The following CCDC150 variants were observed in gnomAD, a reference collection of about 807,000 sequenced individuals.
The protein encoded by CCDC150 is coiled-coil domain containing 150, also known as coiled-coil domain-containing protein 150.
In CCDC150, 151 loss-of-function variants were observed where a neutral mutation model predicts 156.5. The ratio of observed to expected loss-of-function variants is 0.97; its 90% CI spans 0.85 to 1.10. CCDC150 has a LOEUF of 1.10. Ranked by LOEUF, CCDC150 falls within the 50% of genes least tolerant of loss-of-function variation. CCDC150 has a pLI of 0.00. For missense variants in CCDC150, 1,312 were observed against 1,268.1 expected (o/e 1.03, Z -0.53); for synonymous variants, 452 against 429.4 (o/e 1.05, Z -0.65).
chr2:196,670,628 T>A (rs988600664), intron 8 of CCDC150, among the ~76,000 whole-genome samples: 2 of 151,926 alleles, frequency 1.3e-5, no homozygotes, highest in Non-Finnish European at 2.9e-5. Context: ...TTTGAAAATA[T>A]CTTCACTTAT....
intron 26 of CCDC150, among the ~76,000 whole-genome samples, chr2:196,731,283 A>C (rs1698503126): frequency 6.6e-6 from 1 of 152,156 alleles, no homozygotes; most frequent in Admixed American, 6.6e-5. Flanking sequence ...CTCTTTGTTC[A>C]ATCAATCAAT....
chr2:196,689,972 T>C (rs1050402805), intron 13 of CCDC150, among the ~76,000 whole-genome samples: 11 of 152,350 alleles, frequency 7.2e-5, no homozygotes, highest in Admixed American at 2.6e-4. Flanking sequence ...TTGAATTTTG[T>C]CAAAGGCCTT....
At chr2:196,719,221 C>T (rs1051949236) in intron 18 of CCDC150, 2 of 236,228 alleles carry the variant, frequency 8.5e-6, no homozygotes, top group Non-Finnish European at 1.6e-5. Context: ...GCAGGTTGTG[C>T]TGAGTCAGGC....
intron 2 of CCDC150, among the ~76,000 whole-genome samples, chr2:196,649,170 A>G (rs1294372654): frequency 2.0e-5 from 3 of 152,164 alleles, no homozygotes; most frequent in African/African-American, 7.2e-5. Context: ...TTCTATGAAG[A>G]ATGACATTGG....
intron 14 of CCDC150, 134 bp from the exon 15 acceptor site, chr2:196,700,972 AAGC>A: frequency 6.5e-6 from 4 of 617,298 alleles, no homozygotes; most frequent in Non-Finnish European, 1.1e-5. Context: ...AAAAGACTAA[AAGC>A]AGCAGTAGCA....
intron 15 of CCDC150, 144 bp from the exon 16 acceptor site, chr2:196,712,001 A>G (rs1239633948): frequency 5.3e-6 from 2 of 374,056 alleles, no homozygotes; most frequent in Non-Finnish European, 9.4e-6. Context: ...TGCAAGTTTT[A>G]AAGATTCTCT....
At chr2:196,661,773 G>A (rs1393651118) in intron 5 of CCDC150, among the ~76,000 whole-genome samples, 1 of 152,176 alleles carries the variant, frequency 6.6e-6, no homozygotes, top group Non-Finnish European at 1.5e-5. Context: ...TACTTCATTA[G>A]TAAATGATTC....
chr2:196,721,519 C>T lies in CCDC150; in HGVS notation c.2260-3C>T. On this transcript the variant is annotated splice_polypyrimidine_tract_variant and splice_region_variant and intron_variant, in intron 20 of 27. Coordinates refer to ENST00000389175, the MANE Select transcript of CCDC150 (RefSeq NM_001080539.2). ...GAATTGAAAACATGCTTCTCTCTTT[C>T]AGATTGAATCTCTACAAAAAGCTCT... 1 of 1,592,200 alleles carries T rather than the reference C, an allele frequency of 6.3e-7. No individual in the cohort carries two copies.
intron 15 of CCDC150, among the ~76,000 whole-genome samples, chr2:196,708,252 G>A (rs150249382): frequency 0.016 from 2,413 of 152,020 alleles, 65 homozygotes; most frequent in African/African-American, 0.056. Flanking sequence ...TCCCTTTACC[G>A]TTATGTAATG....
At chr2:196,727,065 G>A (rs1698248415) in intron 22 of CCDC150, 1 of 152,136 alleles carries the variant, frequency 6.6e-6, no homozygotes, top group African/African-American at 2.4e-5. Flanking sequence ...AAGTAGTTCA[G>A]TTGAAAATAG....
rs76208460 is a variant in CCDC150 at position 196,641,948 on chromosome 2, A to G, written c.12+2170A>G. Among the ~76,000 whole-genome samples the G allele has an allele frequency of 4.6e-3, 708 of 152,280 alleles. 4 individuals are homozygous for G. Among genetic ancestry groups the G allele is most frequent in the Non-Finnish European group, 7.8e-3 (530 of 68,008 alleles). ...TTTTCAAAGTCATCTGGTTTTTACT[A>G]GTATATTACTTGTGACATTGGTCTT... On this transcript the variant is annotated intron_variant, in intron 1 of 27. Coordinates refer to ENST00000389175, the MANE Select transcript of CCDC150 (RefSeq NM_001080539.2).
chr2:196,676,241 T>A lies in CCDC150; in HGVS notation c.1236T>A (p.Asn412Lys). ...SITNELQTVQNEKTQLQAHLD... is the reference protein window; with the variant it reads ...SITNELQTVQKEKTQLQAHLD... ...CAAATGAACTACAGACTGTTCAGAA[T>A]GAGAAAACCCAACTCCAGGCACATC... Residue 412 changes from asparagine (N) to lysine (K), a missense_variant, in exon 11 of 28, where the codon AAT (asparagine) becomes AAA (lysine). Coordinates refer to ENST00000389175, the MANE Select transcript of CCDC150 (RefSeq NM_001080539.2). 6.2e-7 allele frequency: 1 copy of A among 1,613,708 alleles called. No individual in the cohort carries two copies. The highest frequency in any genetic ancestry group is 8.5e-7 in the Non-Finnish European group (1 of 1,179,680).
rs547095348 is a variant in CCDC150 at position 196,713,298 on chromosome 2, A to G, written c.1866+559A>G. 893 of 1,426,294 alleles carry G rather than the reference A, an allele frequency of 6.3e-4. 2 individuals are homozygous for G. The highest frequency in any genetic ancestry group is 9.2e-4 in the Middle Eastern group (5 of 5,430). 88.4% of individuals were successfully genotyped at this position (1,426,294 alleles called of 1,614,324 possible). On this transcript the variant is annotated intron_variant, in intron 17 of 27. Transcript: ENST00000389175. ...TGTTGTTTCTCCTAGTAAAGGGGCT[A>G]TTCCTTGAAAAATAACTCTAGGTTT...
chr2:196,646,577 G>T, intron 2 of CCDC150, 73 bp downstream of exon 2: 1 of 1,128,552 alleles, frequency 8.9e-7, no homozygotes, highest in Non-Finnish European at 1.3e-6. Flanking sequence ...CAGTAGTTTG[G>T]CAGATGAGAT....
chr2:196,711,711 C>T (rs923023658), intron 15 of CCDC150, among the ~76,000 whole-genome samples: 1 of 152,198 alleles, frequency 6.6e-6, no homozygotes, highest in South Asian at 2.1e-4. Flanking sequence ...GCCTGTTCTC[C>T]ACCCCATTCC....
chr2:196,723,766 A>G (rs1698055672), intron 21 of CCDC150, among the ~76,000 whole-genome samples: 1 of 152,200 alleles, frequency 6.6e-6, no homozygotes, highest in African/African-American at 2.4e-5. Flanking sequence ...GGGTTTTGCA[A>G]CAGGTATCTA....
chr2:196,675,780 T>A (rs1346197606), intron 10 of CCDC150, among the ~76,000 whole-genome samples: 1 of 152,202 alleles, frequency 6.6e-6, no homozygotes, highest in African/African-American at 2.4e-5. Flanking sequence ...ACATTTATAT[T>A]GTTTTACTTT....
Position 196,646,494 on chromosome 2 carries a change from G to A in CCDC150, c.166G>A (p.Gly56Ser). Residue 56 changes from glycine to serine, a missense_variant, in exon 2 of 28, where the codon GGT (glycine) becomes AGT (serine). Transcript: ENST00000389175. ...LRDDLIMLDF[G>S]EKRGYLEAPD... ...GGATGACCTAATAATGTTGGATTTT[G>A]GTGAAAAAAGGTAACAAAAATGAAC... The A allele has an allele frequency of 6.2e-7, 1 of 1,611,988 alleles. No homozygotes were observed. The highest frequency in any genetic ancestry group is 8.5e-7 in the Non-Finnish European group (1 of 1,178,968).
Position 196,729,178 on chromosome 2 carries a change from C to G in CCDC150, c.2557-15C>G. 1 of 1,587,156 alleles carries G rather than the reference C, an allele frequency of 6.3e-7. No homozygotes were observed. The highest frequency in any genetic ancestry group is 8.5e-7 in the Non-Finnish European group (1 of 1,171,198). ...GAAAGTAAAAATGTTTCAATTTTCT[C>G]CCTTGTGTTTTAAGCTGAAGAAAGC... On this transcript the variant is annotated splice_polypyrimidine_tract_variant and intron_variant, in intron 22 of 27. Coordinates refer to ENST00000389175, the MANE Select transcript of CCDC150 (RefSeq NM_001080539.2).
Sources: gnomAD v4.1 joint callset for allele counts (sites outside exome capture counted in the v4.1 genomes callset) on GRCh38, gnomAD v4.1.1 for gene constraint, MANE v1.5 for transcripts, NCBI Gene and HGNC (gene_info 2026-07-23, HGNC 2026-07-21) for gene names.